The following BBS9 variants were observed in gnomAD, a reference collection of about 807,000 sequenced individuals.
BBS9 encodes Bardet-Biedl syndrome 9, also known as protein PTHB1.
A neutral mutation model predicts 117.7 loss-of-function variants in BBS9; 89 were observed. The observed-to-expected ratio is 0.76, with a 90% CI of 0.64 to 0.90. The LOEUF is 0.90. Ranked by LOEUF, BBS9 falls within the 40% of genes least tolerant of loss-of-function variation. The probability of loss-of-function intolerance (pLI) is 0.00; values close to 1 mark genes in which losing one functional copy is unlikely to be tolerated. For missense variants in BBS9, 982 were observed against 1,042.2 expected, an observed-to-expected ratio of 0.94 and a Z score of 0.80; for synonymous variants, 379 against 370.9, an observed-to-expected ratio of 1.02 and a Z score of -0.25.
chr7:33,533,240 C>A (rs139402502), intron 20 of BBS9, among the ~76,000 whole-genome samples: 1 of 152,192 alleles, frequency 6.6e-6, no homozygotes, highest in South Asian at 2.1e-4. Flanking sequence ...CTTGTGCTGA[C>A]GTTCCTGAAT....
At chr7:33,424,177 A>G (rs1833295051) in intron 19 of BBS9, among the ~76,000 whole-genome samples, 1 of 152,228 alleles carries the variant, frequency 6.6e-6, no homozygotes, top group Non-Finnish European at 1.5e-5. Context: ...TGCTTGAAGA[A>G]CAAGTGGTTC....
At chr7:33,337,998 G>T (rs1192710123) in intron 10 of BBS9, among the ~76,000 whole-genome samples, 1 of 151,798 alleles carries the variant, frequency 6.6e-6, no homozygotes, top group Non-Finnish European at 1.5e-5. Context: ...TTATTTCTTG[G>T]TGGTTATAGT....
intron 21 of BBS9, among the ~76,000 whole-genome samples, chr7:33,552,796 G>A (rs558613902): frequency 9.2e-5 from 14 of 152,174 alleles, no homozygotes; most frequent in African/African-American, 2.9e-4. Context: ...CAAAATTTAT[G>A]TGTAATTTTA....
chr7:33,349,586 C>G (rs1818255857), intron 13 of BBS9, among the ~76,000 whole-genome samples: 1 of 152,004 alleles, frequency 6.6e-6, no homozygotes, highest in East Asian at 1.9e-4. Context: ...AGGAAAACAC[C>G]ACCTGACTAA....
chr7:33,173,236 A>T (rs982119006), intron 4 of BBS9, among the ~76,000 whole-genome samples: 1 of 152,126 alleles, frequency 6.6e-6, no homozygotes, highest in Non-Finnish European at 1.5e-5. Flanking sequence ...CTTTATCTTT[A>T]GTTGCTTAAG....
At chr7:33,331,782 A>G (rs1814120870) in intron 9 of BBS9, among the ~76,000 whole-genome samples, 2 of 152,120 alleles carry the variant, frequency 1.3e-5, no homozygotes, top group South Asian at 2.1e-4. Context: ...ACTGCAAAAC[A>G]CTGCTGGAAG....
chr7:33,143,308 A>G (rs1791813311), intron 1 of BBS9, among the ~76,000 whole-genome samples: 1 of 152,016 alleles, frequency 6.6e-6, no homozygotes, highest in South Asian at 2.1e-4. Flanking sequence ...ACTGTTTTCC[A>G]TAGTAGCTAC....
intron 5 of BBS9, among the ~76,000 whole-genome samples, chr7:33,254,498 C>T (rs1796708550): frequency 6.6e-6 from 1 of 152,118 alleles, no homozygotes; most frequent in Non-Finnish European, 1.5e-5. Flanking sequence ...TGGATCACTT[C>T]TCATAATTAT....
chr7:33,374,901 CAAAAAAAAAA>C (rs954530141), intron 17 of BBS9, among the ~76,000 whole-genome samples: 2 of 64,530 alleles, frequency 3.1e-5, no homozygotes, highest in Admixed American at 3.7e-4. Context: ...AACTCCGTCT[CAAAAAAAAAA>C]AAAAAAAAAA....
At chr7:33,368,465 A>G in intron 17 of BBS9, among the ~76,000 whole-genome samples, 1 of 152,164 alleles carries the variant, frequency 6.6e-6, no homozygotes. Flanking sequence ...AGCTCTTGAC[A>G]TATGTAGTAT....
intron 19 of BBS9, among the ~76,000 whole-genome samples, chr7:33,483,541 A>G (rs918038344): frequency 2.0e-5 from 3 of 152,096 alleles, no homozygotes; most frequent in Admixed American, 2.0e-4. Flanking sequence ...CATCAAGGTC[A>G]TATCTAGGAA....
chr7:33,598,916 A>T (rs1484130317), intron 21 of BBS9, among the ~76,000 whole-genome samples: 2 of 152,214 alleles, frequency 1.3e-5, no homozygotes. Flanking sequence ...CACAGGCCAA[A>T]CCTGGCCCAA....
At chr7:33,214,572 A>G (rs1788673094) in intron 5 of BBS9, among the ~76,000 whole-genome samples, 1 of 152,180 alleles carries the variant, frequency 6.6e-6, no homozygotes, top group Non-Finnish European at 1.5e-5. Context: ...TCCTGCCAGG[A>G]GGATGAAGCC....
At chr7:33,468,925 G>C (rs1387891207) in intron 19 of BBS9, among the ~76,000 whole-genome samples, 1 of 151,888 alleles carries the variant, frequency 6.6e-6, no homozygotes, top group Non-Finnish European at 1.5e-5. Flanking sequence ...CACTTAGGTT[G>C]GTTCCATATT....
intron 19 of BBS9, among the ~76,000 whole-genome samples, chr7:33,469,090 T>C (rs989744826): frequency 2.0e-5 from 3 of 152,150 alleles, no homozygotes; most frequent in African/African-American, 7.2e-5. Flanking sequence ...GTAGAGTAGA[T>C]TGACTGTGCA....
At chr7:33,219,315 C>T (rs1005330578) in intron 5 of BBS9, among the ~76,000 whole-genome samples, 10 of 152,198 alleles carry the variant, frequency 6.6e-5, no homozygotes, top group African/African-American at 2.4e-4. Flanking sequence ...CCCCGTGCTC[C>T]ACCGCGGCCG....
At chr7:33,599,360 G>A (rs902398138) in intron 21 of BBS9, among the ~76,000 whole-genome samples, 1 of 152,094 alleles carries the variant, frequency 6.6e-6, no homozygotes, top group Admixed American at 6.6e-5. Context: ...CCCCACCTTA[G>A]GGACTTTATC....
chr7:33,510,202 G>T (rs1040994549), intron 20 of BBS9, among the ~76,000 whole-genome samples: 1 of 152,078 alleles, frequency 6.6e-6, no homozygotes, highest in East Asian at 1.9e-4. Context: ...ATCAGATTGG[G>T]CAATTTTAAA....
intron 19 of BBS9, among the ~76,000 whole-genome samples, chr7:33,414,626 A>G (rs1014278663): frequency 6.6e-6 from 1 of 152,178 alleles, no homozygotes; most frequent in African/African-American, 2.4e-5. Context: ...GTCATTATAA[A>G]TATTATAATA....
Sources: gnomAD v4.1 joint callset for allele counts (sites outside exome capture counted in the v4.1 genomes callset) on GRCh38, gnomAD v4.1.1 for gene constraint, MANE v1.5 for transcripts, NCBI Gene and HGNC (gene_info 2026-07-23, HGNC 2026-07-21) for gene names.